The following NR3C2 variants were observed in gnomAD, a reference collection of about 807,000 sequenced individuals.
NR3C2 encodes mineralocorticoid receptor.
NR3C2 carries 15 observed loss-of-function variants against 86.4 expected under a neutral mutation model. The ratio of observed to expected loss-of-function variants is 0.17; its 90% confidence interval spans 0.12 to 0.27. NR3C2 has a LOEUF of 0.27. Among genes scored for constraint, NR3C2 ranks in the 10% least tolerant of loss-of-function variants. The probability of loss-of-function intolerance (pLI) is 1.00; values close to 1 mark genes in which losing one functional copy is unlikely to be tolerated. For missense variants in NR3C2, 960 were observed against 1,195.6 expected (o/e 0.80, Z 2.91); for synonymous variants, 458 against 450.5 (o/e 1.02, Z -0.21).
intron 2 of NR3C2, among the ~76,000 whole-genome samples, chr4:148,424,935 A>C (rs376521571): frequency 1.4e-4 from 21 of 152,342 alleles, no homozygotes; most frequent in African/African-American, 4.6e-4. Flanking sequence ...CTCATTGCGC[A>C]GACTAAGAGT....
intron 2 of NR3C2, among the ~76,000 whole-genome samples, chr4:148,306,530 A>T (rs1742635660): frequency 6.6e-6 from 1 of 152,220 alleles, no homozygotes; most frequent in African/African-American, 2.4e-5. Context: ...AGAAATGTTT[A>T]TTTTTATAAC....
chr4:148,342,305 A>G (rs1744786373), intron 2 of NR3C2, among the ~76,000 whole-genome samples: 1 of 152,064 alleles, frequency 6.6e-6, no homozygotes, highest in African/African-American at 2.4e-5. Flanking sequence ...TCACGGCCCT[A>G]TGTTCTCAGG....
intron 3 of NR3C2, among the ~76,000 whole-genome samples, chr4:148,245,774 C>T (rs1307885473): frequency 2.0e-5 from 3 of 151,958 alleles, no homozygotes; most frequent in African/African-American, 7.3e-5. Flanking sequence ...TTAGACTGAA[C>T]CTGGAAATAC....
At chr4:148,192,143 A>G (rs1364700341) in intron 4 of NR3C2, among the ~76,000 whole-genome samples, 1 of 152,210 alleles carries the variant, frequency 6.6e-6, no homozygotes, top group Non-Finnish European at 1.5e-5. Flanking sequence ...CTAGGGCTGA[A>G]AGCTGCTGTT....
At chr4:148,171,441 A>T (rs1026594439) in intron 4 of NR3C2, among the ~76,000 whole-genome samples, 2 of 152,210 alleles carry the variant, frequency 1.3e-5, no homozygotes, top group Non-Finnish European at 2.9e-5. Context: ...TTTGGGCACC[A>T]GGGACTGGTT....
chr4:148,383,048 C>T (rs910581207), intron 2 of NR3C2, among the ~76,000 whole-genome samples: 1 of 152,042 alleles, frequency 6.6e-6, no homozygotes, highest in African/African-American at 2.4e-5. Flanking sequence ...TAAATAAGTC[C>T]TATAAATTAG....
intron 2 of NR3C2, among the ~76,000 whole-genome samples, chr4:148,285,076 A>G (rs1741446247): frequency 1.3e-5 from 2 of 152,206 alleles, no homozygotes; most frequent in Admixed American, 1.3e-4. Flanking sequence ...TTCGGAGCCC[A>G]CAGCTCTTGA....
chr4:148,273,261 T>G (rs1169627048), intron 2 of NR3C2, among the ~76,000 whole-genome samples: 1 of 152,234 alleles, frequency 6.6e-6, no homozygotes. Flanking sequence ...CTTCGTCTAT[T>G]AAAACTGTAC....
chr4:148,143,211 C>T (rs1387605222), intron 6 of NR3C2, among the ~76,000 whole-genome samples: 1 of 152,130 alleles, frequency 6.6e-6, no homozygotes, highest in Non-Finnish European at 1.5e-5. Flanking sequence ...GAACAGACAT[C>T]CAGTTAAGAA....
chr4:148,188,927 G>GTTTT (rs770094656), intron 4 of NR3C2, among the ~76,000 whole-genome samples: 34 of 127,308 alleles, frequency 2.7e-4, no homozygotes, highest in African/African-American at 6.5e-4. Context: ...ATTTTGCTGA[G>GTTTT]TTTTTTTTTT....
intron 2 of NR3C2, among the ~76,000 whole-genome samples, chr4:148,323,833 C>A (rs977364206): frequency 3.3e-5 from 5 of 151,570 alleles, no homozygotes; most frequent in Non-Finnish European, 7.4e-5. Flanking sequence ...CAGAAATCAC[C>A]GTCTTCTGCG....
In NR3C2 at chr4:148,341,936, A is replaced by C. The variant is rs1744767986; in HGVS notation, c.1758-81819T>G. ...AACCCTGCCTATTTGCAACTTAGTC[A>C]AAAACAACTGACAAGCAAAACAGCT... On this transcript the variant is annotated intron_variant, in intron 2 of 8. Transcript: ENST00000358102. Among the ~76,000 whole-genome samples, 4 of 152,172 alleles carry C rather than the reference A, an allele frequency of 2.6e-5. No homozygotes were observed. In the South Asian group the frequency reaches 8.3e-4, roughly 31 times the overall value.
chr4:148,246,542 AATTTTATT>A (rs1194852810), intron 3 of NR3C2, among the ~76,000 whole-genome samples: 2 of 151,950 alleles, frequency 1.3e-5, no homozygotes, highest in Admixed American at 6.6e-5. Flanking sequence ...GAGTATGTTT[AATTTTATT>A]ATTTTATTTT....
chr4:148,260,692 T>A (rs1281682553), intron 2 of NR3C2, among the ~76,000 whole-genome samples: 70 of 152,194 alleles, frequency 4.6e-4, no homozygotes, highest in Admixed American at 4.5e-3. Flanking sequence ...AATTATTTCA[T>A]TTTGCTTTCT....
At chr4:148,173,710 G>C (rs775561886) in intron 4 of NR3C2, among the ~76,000 whole-genome samples, 1 of 152,240 alleles carries the variant, frequency 6.6e-6, no homozygotes, top group Non-Finnish European at 1.5e-5. Flanking sequence ...AATTCCCACA[G>C]GAATCCAGGG....
At position 148,412,930 on chromosome 4, in the gene NR3C2, C is replaced by T. The variant is rs1287695242; in HGVS notation, c.1757+22174G>A. On this transcript the variant is annotated intron_variant, in intron 2 of 8. Coordinates refer to ENST00000358102, the MANE Select transcript of NR3C2 (RefSeq NM_000901.5). The stretch of plus-strand genomic sequence containing the variant: ...CTGTTGAGAGTTTAGAGCAGAAATA[C>T]ATATCACTTGAGCTTTTCCAGTCTG... Among the ~76,000 whole-genome samples the T allele has an allele frequency of 2.6e-5, 4 of 152,264 alleles. No homozygotes were observed. In the South Asian group the frequency reaches 8.3e-4, roughly 32 times the overall value.
intron 3 of NR3C2, among the ~76,000 whole-genome samples, chr4:148,223,420 C>A (rs1337186549): frequency 6.6e-6 from 1 of 152,186 alleles, no homozygotes; most frequent in African/African-American, 2.4e-5. Flanking sequence ...GCTGAGCACA[C>A]AGACTGTGTA....
intron 3 of NR3C2, among the ~76,000 whole-genome samples, chr4:148,207,366 C>G (rs771404480): frequency 9.2e-5 from 14 of 152,202 alleles, no homozygotes; most frequent in Non-Finnish European, 1.8e-4. Flanking sequence ...GCCAGTCAAA[C>G]AGAAGCAGTA....
At chr4:148,200,049 A>G (rs1179785622) in intron 3 of NR3C2, among the ~76,000 whole-genome samples, 1 of 152,378 alleles carries the variant, frequency 6.6e-6, no homozygotes, top group Admixed American at 6.5e-5. Flanking sequence ...GAAAGGACAG[A>G]TGTACAGGTG....
Sources: allele counts gnomAD v4.1 joint callset (sites outside exome capture counted in the v4.1 genomes callset), GRCh38; gene constraint gnomAD v4.1.1; transcripts MANE v1.5; gene names NCBI Gene and HGNC (gene_info 2026-07-23, HGNC 2026-07-21).